GALNT17: variants seen among roughly 807,000 people sequenced by gnomAD.
GALNT17 encodes UDP-GalNAc:polypeptide N-acetylgalactosaminyltransferase-like 3.
Under a neutral mutation model 63.7 loss-of-function variants are expected in GALNT17, and 29 were observed. The ratio of observed to expected loss-of-function variants is 0.46; its 90% confidence interval spans 0.34 to 0.62. The LOEUF (loss-of-function observed/expected upper bound fraction) is 0.62. Ranked by LOEUF, GALNT17 falls within the 20% of genes least tolerant of loss-of-function variation. The probability of loss-of-function intolerance (pLI) is 0.01; values close to 1 mark genes in which losing one functional copy is unlikely to be tolerated. For missense variants in GALNT17, 603 were observed against 799.6 expected (o/e 0.75, Z 2.97); for synonymous variants, 305 against 318.3 (o/e 0.96, Z 0.45).
At chr7:71,701,911 A>G (rs1476588163) in intron 9 of GALNT17, among the ~76,000 whole-genome samples, 2 of 116,064 alleles carry the variant, frequency 1.7e-5, no homozygotes. Context: ...ATATATATAT[A>G]CATATATATA....
intron 1 of GALNT17, among the ~76,000 whole-genome samples, chr7:71,160,575 C>G (rs1788323715): frequency 6.6e-6 from 1 of 152,266 alleles, no homozygotes; most frequent in East Asian, 1.9e-4. Context: ...TGTCCTGCCT[C>G]AGCCTCCCAA....
chr7:71,544,378 G>A (rs565244040), intron 5 of GALNT17, among the ~76,000 whole-genome samples: 3 of 148,680 alleles, frequency 2.0e-5, no homozygotes, highest in Admixed American at 6.9e-5. Flanking sequence ...TCCTGACCTC[G>A]TGATCCACCT....
intron 2 of GALNT17, among the ~76,000 whole-genome samples, chr7:71,380,576 C>CGAGGA (rs1563050504): frequency 2.6e-5 from 4 of 152,178 alleles, no homozygotes; most frequent in African/African-American, 9.6e-5. Flanking sequence ...CTGCTTCAGC[C>CGAGGA]TCCCAAAACT....
intron 6 of GALNT17, among the ~76,000 whole-genome samples, chr7:71,645,480 C>T (rs768533841): frequency 1.4e-4 from 21 of 152,246 alleles, no homozygotes; most frequent in Middle Eastern, 3.4e-3. Context: ...CTTCCCTTTC[C>T]GCCATGATTG....
intron 1 of GALNT17, among the ~76,000 whole-genome samples, chr7:71,230,826 C>T (rs1404653450): frequency 1.3e-5 from 2 of 152,094 alleles, no homozygotes; most frequent in Non-Finnish European, 2.9e-5. Context: ...AGATAGAGCA[C>T]ATGAGACAGT....
chr7:71,379,048 C>T (rs1417052244), intron 2 of GALNT17, among the ~76,000 whole-genome samples: 1 of 152,064 alleles, frequency 6.6e-6, no homozygotes, highest in African/African-American at 2.4e-5. Context: ...CGCCTGCACT[C>T]TTGGAGTGGG....
intron 1 of GALNT17, among the ~76,000 whole-genome samples, chr7:71,288,215 CA>C (rs59555320): frequency 0.26 from 21,711 of 83,110 alleles, 1,101 homozygotes; most frequent in Middle Eastern, 0.42. Flanking sequence ...GACTCCATCT[CA>C]AAAAAAAAAA....
intron 5 of GALNT17, among the ~76,000 whole-genome samples, chr7:71,533,712 C>T (rs1482966238): frequency 1.3e-5 from 2 of 152,128 alleles, no homozygotes; most frequent in African/African-American, 4.8e-5. Context: ...GAGGTTTGGC[C>T]TAGATCTGGT....
intron 1 of GALNT17, among the ~76,000 whole-genome samples, chr7:71,173,900 A>G (rs1054052517): frequency 2.0e-5 from 3 of 152,246 alleles, no homozygotes; most frequent in Non-Finnish European, 4.4e-5. Flanking sequence ...TAAGCATTCA[A>G]TAAATGCAGT....
At position 71,305,988 on chromosome 7, in the gene GALNT17, G is replaced by A. The variant is rs565295283; in HGVS notation, c.239-29562G>A. On this transcript the variant is annotated intron_variant, in intron 1 of 10. Transcript: ENST00000333538. ...AATCCCAGCACTTTGGGAGGCTGAGGCAGGCGGATCACTTGAGGTCAGGGG... is the reference window on the plus strand; with the variant it reads ...AATCCCAGCACTTTGGGAGGCTGAGACAGGCGGATCACTTGAGGTCAGGGG... Among the ~76,000 whole-genome samples the A allele has an allele frequency of 4.6e-5, 7 of 152,334 alleles. No individual in the cohort carries two copies. In the South Asian group the frequency reaches 1.5e-3, roughly 32 times the overall value.
At chr7:71,659,224 G>A (rs1360241448) in intron 6 of GALNT17, among the ~76,000 whole-genome samples, 1 of 152,184 alleles carries the variant, frequency 6.6e-6, no homozygotes, top group Non-Finnish European at 1.5e-5. Context: ...CAGCCACATG[G>A]CTATTCTTTC....
At chr7:71,318,410 T>TC (rs1354251734) in intron 1 of GALNT17, among the ~76,000 whole-genome samples, 1 of 89,002 alleles carries the variant, frequency 1.1e-5, no homozygotes, top group Non-Finnish European at 2.4e-5. Context: ...TCCCTGAAGC[T>TC]CTTTTTTTTT....
chr7:71,177,624 A>G (rs1300655901), intron 1 of GALNT17, among the ~76,000 whole-genome samples: 1 of 152,162 alleles, frequency 6.6e-6, no homozygotes, highest in Non-Finnish European at 1.5e-5. Flanking sequence ...TACAGAGATG[A>G]TGGAGATGAT....
intron 3 of GALNT17, among the ~76,000 whole-genome samples, chr7:71,404,137 A>C (rs747500610): frequency 2.6e-5 from 4 of 152,108 alleles, no homozygotes; most frequent in Non-Finnish European, 4.4e-5. Flanking sequence ...GTTTCCTTGT[A>C]GGTTTGGGCT....
At chr7:71,403,052 A>G (rs1793267891) in intron 3 of GALNT17, among the ~76,000 whole-genome samples, 1 of 152,148 alleles carries the variant, frequency 6.6e-6, no homozygotes. Context: ...TAGGTTGTGC[A>G]TTTACATTTC....
intron 6 of GALNT17, among the ~76,000 whole-genome samples, chr7:71,652,209 A>G (rs1046549241): frequency 6.6e-6 from 1 of 152,022 alleles, no homozygotes; most frequent in African/African-American, 2.4e-5. Context: ...CCAGTCAATG[A>G]CTTGCATTGA....
intron 6 of GALNT17, among the ~76,000 whole-genome samples, chr7:71,663,532 G>A (rs553305889): frequency 2.6e-5 from 4 of 152,214 alleles, no homozygotes; most frequent in Non-Finnish European, 4.4e-5. Flanking sequence ...CCTAACATGC[G>A]AGGGCATCTA....
intron 6 of GALNT17, among the ~76,000 whole-genome samples, chr7:71,584,940 G>T (rs959167191): frequency 1.8e-4 from 27 of 152,062 alleles, no homozygotes; most frequent in African/African-American, 6.3e-4. Context: ...ATTTTTAGTA[G>T]AGACGGGGTC....
intron 1 of GALNT17, among the ~76,000 whole-genome samples, chr7:71,154,214 G>A (rs1788187985): frequency 7.5e-6 from 1 of 133,658 alleles, no homozygotes; most frequent in African/African-American, 2.8e-5. Context: ...ACCATGTGGA[G>A]AGAGAGAGAG....
Sources: allele counts gnomAD v4.1 joint callset (sites outside exome capture counted in the v4.1 genomes callset), GRCh38; gene constraint gnomAD v4.1.1; transcripts MANE v1.5; gene names NCBI Gene and HGNC (gene_info 2026-07-23, HGNC 2026-07-21).